The following PTGES3 variants were observed in gnomAD, a reference collection of about 807,000 sequenced individuals.
PTGES3 encodes the protein Hsp90 co-chaperone.
Under a neutral mutation model 29.9 loss-of-function variants are expected in PTGES3, and 5 were observed. That is an observed-to-expected ratio of 0.17 (90% CI 0.09 to 0.35). The LOEUF (loss-of-function observed/expected upper bound fraction) is 0.35. Among genes scored for constraint, PTGES3 ranks in the 10% least tolerant of loss-of-function variants. The pLI is 1.00. For missense variants in PTGES3, 128 were observed against 190.0 expected (o/e 0.67, Z 1.92); for synonymous variants, 49 against 57.8 (o/e 0.85, Z 0.69).
chr12:56,686,100 T>A (rs114415888), intron 1 of PTGES3, among the ~76,000 whole-genome samples: 2,492 of 97,450 alleles, frequency 0.026, 75 homozygotes, highest in African/African-American at 0.072. Flanking sequence ...CCCAAGTTTT[T>A]AAATCTACTT....
intron 1 of PTGES3, among the ~76,000 whole-genome samples, chr12:56,685,399 CTTTTTTTTTTTT>C (rs143526249): frequency 6.1e-5 from 8 of 131,182 alleles, no homozygotes; most frequent in Admixed American, 4.7e-4. Context: ...TTTTTCTTTT[CTTTTTTTTTTTT>C]TTTTTTTTTA....
At chr12:56,685,301 AT>A (rs1335186787) in intron 1 of PTGES3, among the ~76,000 whole-genome samples, 1 of 152,118 alleles carries the variant, frequency 6.6e-6, no homozygotes, top group African/African-American at 2.4e-5. Flanking sequence ...TTTTAAAAGA[AT>A]ATTTTAGCTG....
rs754040277 is a variant in PTGES3 at position 56,682,721 on chromosome 12, G to GAAAAAA, written c.2+5271_2+5276dup. On this transcript the variant is annotated intron_variant, in intron 1 of 7. Transcript: ENST00000262033. The stretch of plus-strand genomic sequence containing the variant: ...GGTAAGATCCCGTCTCCATTTAAAA[G>GAAAAAA]AAAAAAAAAAAAAAAGGCCGGGCGT... Among the ~76,000 whole-genome samples the GAAAAAA allele has an allele frequency of 2.8e-3, 320 of 114,280 alleles. 20 individuals carry two copies. The highest frequency in any genetic ancestry group is 8.7e-3 in the African/African-American group (252 of 29,074). The allele number at this position is 114,280 out of a possible 152,430, so 75.0% of individuals were successfully genotyped here.
At chr12:56,665,062 T>C (rs1951735235) in intron 6 of PTGES3, 1 of 985,288 alleles carries the variant, frequency 1.0e-6, no homozygotes, top group African/African-American at 1.7e-5. Context: ...CATTCCTAAA[T>C]TAACCTATCT....
rs768237512 is a variant in PTGES3 at position 56,687,989 on chromosome 12, C to A, written c.2+9G>T. 7 of 1,598,112 alleles carry A rather than the reference C, an allele frequency of 4.4e-6. No homozygotes were observed. Among genetic ancestry groups the A allele is most frequent in the Non-Finnish European group, 6.0e-6 (7 of 1,173,416 alleles). On this transcript the variant is annotated intron_variant, in intron 1 of 7. Transcript: ENST00000262033. ...CGGCGACCTTCCCTCGGCGGGGTGT[C>A]GCACTCACATTGTGAACGGGGCAGG...
Position 56,687,887 on chromosome 12 carries a change from G to A in PTGES3, c.2+111C>T, listed in dbSNP as rs965943583. On this transcript the variant is annotated intron_variant, in intron 1 of 7. Transcript: ENST00000262033. ...TCCTGGACCTCCCGCCCCCAGGCAG[G>A]AACGACTGCCACCACCGATGCGAGA... 4 of 1,584,670 alleles carry A rather than the reference G, an allele frequency of 2.5e-6. No individual in the cohort carries two copies. The South Asian group carries it at 4.5e-5, about 18-fold the overall frequency.
intron 1 of PTGES3, among the ~76,000 whole-genome samples, chr12:56,680,071 G>A (rs1013911225): frequency 2.0e-5 from 3 of 147,364 alleles, no homozygotes; most frequent in Non-Finnish European, 4.4e-5. Context: ...TTGTTTTATT[G>A]GTTTTGGTTT....
At chr12:56,666,347 C>A (rs1295234511) in intron 5 of PTGES3, 81 bp from the exon 6 acceptor site, 4 of 1,499,564 alleles carry the variant, frequency 2.7e-6, no homozygotes, top group East Asian at 2.4e-5. Context: ...TCAGAATAAA[C>A]CTTAAGTCTG....
chr12:56,665,203 T>C, intron 6 of PTGES3: 3 of 985,316 alleles, frequency 3.0e-6, no homozygotes, highest in Non-Finnish European at 3.6e-6. Context: ...TTCTGGGAGA[T>C]GTTAACAGGA....
chr12:56,685,748 A>C (rs942218825), intron 1 of PTGES3, among the ~76,000 whole-genome samples: 8 of 139,010 alleles, frequency 5.8e-5, no homozygotes, highest in Non-Finnish European at 1.2e-4. Flanking sequence ...TTTTTGGAAT[A>C]GTCTCTCTAC....
chr12:56,685,408 T>C (rs1254005072), intron 1 of PTGES3, among the ~76,000 whole-genome samples: 2 of 150,148 alleles, frequency 1.3e-5, no homozygotes, highest in Admixed American at 6.6e-5. Flanking sequence ...TCTTTTTTTT[T>C]TTTTTTTTTT....
In PTGES3 at chr12:56,688,067, G is replaced by A. The variant is rs1239182730; in HGVS notation, c.-68C>T. 6.8e-7 allele frequency: 1 copy of A among 1,460,002 alleles called. No individual in the cohort carries two copies. Among genetic ancestry groups the A allele is most frequent in the East Asian group, 2.7e-5 (1 of 36,658 alleles). The allele number at this position is 1,460,002 out of a possible 1,614,324, so 90.4% of individuals were successfully genotyped here. A position where few individuals can be genotyped will look rare whatever the true frequency, so the allele number is the denominator to read the frequency against. Reference sequence around the variant, plus strand: ...CTCTGGCGGCGGCTGCTGCTAGGGAGTCGACTTCTCTCCGGTGGCGACTCC... The same window carrying A: ...CTCTGGCGGCGGCTGCTGCTAGGGAATCGACTTCTCTCCGGTGGCGACTCC... On this transcript the variant is annotated 5_prime_UTR_variant, in exon 1 of 8. Coordinates refer to ENST00000262033, the MANE Select transcript of PTGES3 (RefSeq NM_006601.7).
chr12:56,679,488 C>T (rs1407326819), intron 1 of PTGES3, among the ~76,000 whole-genome samples: 3 of 147,238 alleles, frequency 2.0e-5, no homozygotes, highest in African/African-American at 2.5e-5. Context: ...AGATTATTTA[C>T]ATAATGTATG....
At chr12:56,680,397 T>C (rs1014676912) in intron 1 of PTGES3, among the ~76,000 whole-genome samples, 1 of 151,674 alleles carries the variant, frequency 6.6e-6, no homozygotes, top group Admixed American at 6.6e-5. Flanking sequence ...TTTTTTTTTT[T>C]TTGGGGGGAC....
intron 4 of PTGES3, among the ~76,000 whole-genome samples, chr12:56,671,535 CTG>C (rs1261778440): frequency 6.6e-6 from 1 of 152,132 alleles, no homozygotes; most frequent in African/African-American, 2.4e-5. Context: ...TATGCAAAGT[CTG>C]TCTCTTAAGT....
chr12:56,683,513 T>G (rs1358524488), intron 1 of PTGES3, among the ~76,000 whole-genome samples: 1 of 109,808 alleles, frequency 9.1e-6, no homozygotes, highest in Admixed American at 1.1e-4. Context: ...TAGCCAGGCA[T>G]GGCGGCAGGC....
In PTGES3 at chr12:56,673,082, T is replaced by C. The variant is rs1322381966; in HGVS notation, c.3-17A>G. ...GCAGGCTGCCTACAAAAGGATAAAGTAGGGAAAGTCAAGCTGGAATTCATT... is the reference window on the plus strand; with the variant it reads ...GCAGGCTGCCTACAAAAGGATAAAGCAGGGAAAGTCAAGCTGGAATTCATT... On this transcript the variant is annotated splice_polypyrimidine_tract_variant and intron_variant, in intron 1 of 7. Coordinates refer to ENST00000262033, the MANE Select transcript of PTGES3 (RefSeq NM_006601.7). 2 of 1,546,802 alleles carry C rather than the reference T, an allele frequency of 1.3e-6. No homozygotes were observed. The highest frequency in any genetic ancestry group is 1.8e-6 in the Non-Finnish European group (2 of 1,135,998).
intron 1 of PTGES3, among the ~76,000 whole-genome samples, chr12:56,683,178 T>C (rs1952633829): frequency 6.6e-6 from 1 of 151,342 alleles, no homozygotes; most frequent in Non-Finnish European, 1.5e-5. Context: ...TGAAACCCCA[T>C]CGCTACTAAA....
chr12:56,672,928 C>A, intron 2 of PTGES3, 24 bp downstream of exon 2: 1 of 1,578,470 alleles, frequency 6.3e-7, no homozygotes, highest in South Asian at 1.2e-5. Flanking sequence ...TATTTTACAT[C>A]ATTGGATAAA....
Sources: gnomAD v4.1 joint callset for allele counts (sites outside exome capture counted in the v4.1 genomes callset) on GRCh38, gnomAD v4.1.1 for gene constraint, MANE v1.5 for transcripts, NCBI Gene and HGNC (gene_info 2026-07-23, HGNC 2026-07-21) for gene names.